CRADD: variants seen among roughly 807,000 people sequenced by gnomAD.
The protein encoded by CRADD is death domain-containing protein CRADD.
In CRADD, 9 loss-of-function variants were observed where a neutral mutation model predicts 15.5. The ratio of observed to expected loss-of-function variants is 0.58; its 90% CI spans 0.35 to 1.01. The LOEUF is 1.01. Ranked by LOEUF, CRADD falls within the 50% of genes least tolerant of loss-of-function variation. The pLI is 0.02. For synonymous variants in CRADD, 118 were observed against 107.6 expected (o/e 1.10, Z -0.60); for missense variants, 227 against 250.3 (o/e 0.91, Z 0.63).
intron 2 of CRADD, among the ~76,000 whole-genome samples, chr12:93,820,807 C>T (rs557006975): frequency 3.9e-5 from 6 of 152,326 alleles, no homozygotes; most frequent in Admixed American, 2.0e-4. Context: ...TGCCCAGTCC[C>T]TCTTGGTTTC....
rs557875681 is a variant in CRADD at position 93,776,823 on chromosome 12, T to C, written c.299-73147T>C. ...CATGCATACTTATGTGAAATATCCATGTAGGCAAATCCATAGAGACAGAAA... is the reference window on the plus strand; with the variant it reads ...CATGCATACTTATGTGAAATATCCACGTAGGCAAATCCATAGAGACAGAAA... On this transcript the variant is annotated intron_variant, in intron 2 of 2. Coordinates refer to ENST00000332896, the MANE Select transcript of CRADD (RefSeq NM_003805.5). Among the ~76,000 whole-genome samples, 3 of 152,288 alleles carry C rather than the reference T, an allele frequency of 2.0e-5. 1 individual carries two copies. The highest frequency in any genetic ancestry group is 6.8e-3 in the Middle Eastern group (2 of 294).
intron 2 of CRADD, among the ~76,000 whole-genome samples, chr12:93,797,237 A>G (rs1957428458): frequency 6.6e-6 from 1 of 152,150 alleles, no homozygotes; most frequent in Admixed American, 6.6e-5. Context: ...TGAGAGAAAG[A>G]AAGAGAGGGG....
At chr12:93,767,206 T>C (rs994060684) in intron 2 of CRADD, among the ~76,000 whole-genome samples, 1 of 152,256 alleles carries the variant, frequency 6.6e-6, no homozygotes, top group Non-Finnish European at 1.5e-5. Context: ...ACAAATTTAT[T>C]TATGATTTGT....
At chr12:93,839,548 G>C (rs540750928) in intron 2 of CRADD, among the ~76,000 whole-genome samples, 1 of 152,176 alleles carries the variant, frequency 6.6e-6, no homozygotes, top group Admixed American at 6.5e-5. Flanking sequence ...ACGACTGTCC[G>C]ATCTTTATTT....
intron 2 of CRADD, among the ~76,000 whole-genome samples, chr12:93,709,596 T>C (rs933213520): frequency 1.3e-5 from 2 of 152,246 alleles, no homozygotes; most frequent in Non-Finnish European, 2.9e-5. Flanking sequence ...CATGATCTTA[T>C]TCTTTTTTAT....
chr12:93,860,604 A>G (rs375443057), intron 2 of CRADD, among the ~76,000 whole-genome samples: 2 of 152,332 alleles, frequency 1.3e-5, no homozygotes, highest in African/African-American at 2.4e-5. Flanking sequence ...TGACAGGAGT[A>G]AAAACCCGAG....
intron 2 of CRADD, among the ~76,000 whole-genome samples, chr12:93,739,348 A>C (rs928324115): frequency 1.3e-4 from 17 of 134,906 alleles, no homozygotes; most frequent in Non-Finnish European, 2.3e-4. Context: ...ATATATATAT[A>C]TCTAAAGTAT....
intron 2 of CRADD, among the ~76,000 whole-genome samples, chr12:93,809,924 T>C (rs1006141262): frequency 6.6e-6 from 1 of 152,194 alleles, no homozygotes; most frequent in Non-Finnish European, 1.5e-5. Context: ...TAACCACTTC[T>C]ACAAGTGGCA....
At chr12:93,844,915 A>G (rs774605841) in intron 2 of CRADD, among the ~76,000 whole-genome samples, 49 of 152,164 alleles carry the variant, frequency 3.2e-4, no homozygotes, top group Non-Finnish European at 5.4e-4. Context: ...GGTTCCTCCT[A>G]ATACAGATCA....
chr12:93,835,642 AC>A (rs1957964649), intron 2 of CRADD, among the ~76,000 whole-genome samples: 1 of 152,110 alleles, frequency 6.6e-6, no homozygotes, highest in Non-Finnish European at 1.5e-5. Flanking sequence ...TATCTTGATG[AC>A]CTGAAGGCTT....
downstream of CRADD, among the ~76,000 whole-genome samples, chr12:93,853,806 A>G (rs910434841): frequency 2.0e-5 from 3 of 152,186 alleles, no homozygotes; most frequent in African/African-American, 7.2e-5. Context: ...TGAAGGGTTG[A>G]TAGTCTACGT....
chr12:93,804,872 C>G (rs945183482), intron 2 of CRADD, among the ~76,000 whole-genome samples: 2 of 152,030 alleles, frequency 1.3e-5, no homozygotes, highest in African/African-American at 4.8e-5. Context: ...CAGTGTCTGA[C>G]CTTGCATTAC....
chr12:93,844,990 A>C (rs1958096573), intron 2 of CRADD, among the ~76,000 whole-genome samples: 1 of 152,122 alleles, frequency 6.6e-6, no homozygotes, highest in Non-Finnish European at 1.5e-5. Flanking sequence ...AAAACAAAAA[A>C]CAAAAAACAA....
chr12:93,694,415 G>A (rs570702590), intron 2 of CRADD, among the ~76,000 whole-genome samples: 1 of 152,230 alleles, frequency 6.6e-6, no homozygotes, highest in South Asian at 2.1e-4. Flanking sequence ...AGGAACAAGA[G>A]AAGGATGCCC....
intron 2 of CRADD, among the ~76,000 whole-genome samples, chr12:93,819,483 G>T (rs1184954614): frequency 6.6e-6 from 1 of 152,214 alleles, no homozygotes; most frequent in African/African-American, 2.4e-5. Context: ...AGATTACTTG[G>T]TTCAAATTCT....
At chr12:93,886,399 G>T (rs571202006) in intron 2 of CRADD, among the ~76,000 whole-genome samples, 8 of 152,056 alleles carry the variant, frequency 5.3e-5, no homozygotes, top group Admixed American at 4.6e-4. Context: ...GAGCTCAAGC[G>T]ATCTGTCCGC....
At chr12:93,703,782 A>G (rs1955885907) in intron 2 of CRADD, among the ~76,000 whole-genome samples, 1 of 152,148 alleles carries the variant, frequency 6.6e-6, no homozygotes, top group African/African-American at 2.4e-5. Flanking sequence ...ATCTTACATG[A>G]TCATAGCACA....
At chr12:93,715,625 A>G (rs1408460818) in intron 2 of CRADD, among the ~76,000 whole-genome samples, 1 of 152,210 alleles carries the variant, frequency 6.6e-6, no homozygotes, top group Non-Finnish European at 1.5e-5. Flanking sequence ...ATAAATAAAT[A>G]GAAATTTAAA....
At chr12:93,822,174 C>G (rs935948482) in intron 2 of CRADD, among the ~76,000 whole-genome samples, 1 of 151,894 alleles carries the variant, frequency 6.6e-6, no homozygotes, top group Non-Finnish European at 1.5e-5. Flanking sequence ...AATTGAAAGG[C>G]CTTTTCTTCT....
Sources: gnomAD v4.1 joint callset for allele counts (sites outside exome capture counted in the v4.1 genomes callset) on GRCh38, gnomAD v4.1.1 for gene constraint, MANE v1.5 for transcripts, NCBI Gene and HGNC (gene_info 2026-07-23, HGNC 2026-07-21) for gene names.